Variants in PTPRT observed in about 807,000 individuals in gnomAD.
PTPRT encodes the protein protein tyrosine phosphatase receptor type T, also known as receptor-type tyrosine-protein phosphatase T.
PTPRT carries 56 observed loss-of-function variants against 176.8 expected under a neutral mutation model. The observed-to-expected ratio is 0.32, with a 90% confidence interval of 0.26 to 0.40. PTPRT has a LOEUF of 0.40. Ranked by LOEUF, PTPRT falls within the 10% of genes least tolerant of loss-of-function variation. The pLI is 1.00. For missense variants in PTPRT, 1,540 were observed against 1,908.2 expected, an observed-to-expected ratio of 0.81 and a Z score of 3.60; for synonymous variants, 783 against 739.0, an observed-to-expected ratio of 1.06 and a Z score of -0.96.
rs188190573 is a variant in PTPRT at position 42,435,475 on chromosome 20, G to A, written c.1560+12745C>T. ...AGCTTTCTGGCAATAGGAACTCTGC[G>A]TGCAATAAGCCTGAGACAGGGGCCC... is the stretch of plus-strand genomic sequence containing the variant. On this transcript the variant is annotated intron_variant, in intron 9 of 30. Transcript: ENST00000373187. 4.7e-4 allele frequency among the ~76,000 whole-genome samples: 72 copies of A among 152,228 alleles called. No individual in the cohort carries two copies. The Middle Eastern group carries it at 0.014, about 29-fold the overall frequency.
At chr20:42,104,279 G>A (rs1986220712) in intron 25 of PTPRT, among the ~76,000 whole-genome samples, 1 of 152,024 alleles carries the variant, frequency 6.6e-6, no homozygotes, top group African/African-American at 2.4e-5. Context: ...GACCATCCTG[G>A]GCAACATAGT....
chr20:42,680,351 A>G (rs1384846683), intron 6 of PTPRT, among the ~76,000 whole-genome samples: 1 of 152,264 alleles, frequency 6.6e-6, no homozygotes, highest in Non-Finnish European at 1.5e-5. Flanking sequence ...TTTTCTTTAC[A>G]AAGCCATGGA....
chr20:43,135,448 G>C (rs1413303238), intron 1 of PTPRT, among the ~76,000 whole-genome samples: 1 of 152,198 alleles, frequency 6.6e-6, no homozygotes, highest in Non-Finnish European at 1.5e-5. Context: ...GACACAGAGA[G>C]AAACTCAGAA....
At chr20:42,697,511 T>C (rs1340298810) in intron 6 of PTPRT, among the ~76,000 whole-genome samples, 1 of 152,202 alleles carries the variant, frequency 6.6e-6, no homozygotes, top group Non-Finnish European at 1.5e-5. Context: ...CAGTAAGATA[T>C]GGATGGATGT....
chr20:42,236,012 G>GA (rs1290023751), intron 15 of PTPRT, among the ~76,000 whole-genome samples: 1 of 151,964 alleles, frequency 6.6e-6, no homozygotes. Flanking sequence ...AAAATAAGAG[G>GA]AAAAAAATCC....
intron 6 of PTPRT, among the ~76,000 whole-genome samples, chr20:42,742,019 A>G (rs1006533795): frequency 1.3e-5 from 2 of 152,210 alleles, no homozygotes; most frequent in Non-Finnish European, 1.5e-5. Flanking sequence ...AACATTGAAG[A>G]ATAAAAGGTG....
intron 9 of PTPRT, among the ~76,000 whole-genome samples, chr20:42,359,442 C>T (rs371059840): frequency 6.6e-6 from 1 of 152,174 alleles, no homozygotes; most frequent in South Asian, 2.1e-4. Context: ...AGACCTGAGC[C>T]TCCTAAGGCT....
intron 16 of PTPRT, among the ~76,000 whole-genome samples, chr20:42,162,422 G>A (rs899667868): frequency 6.6e-6 from 1 of 152,168 alleles, no homozygotes; most frequent in African/African-American, 2.4e-5. Context: ...GAAAACTGAT[G>A]CCTGGTCAGA....
intron 7 of PTPRT, among the ~76,000 whole-genome samples, chr20:42,556,430 T>G (rs545656284): frequency 2.0e-4 from 31 of 152,176 alleles, no homozygotes; most frequent in Non-Finnish European, 3.7e-4. Flanking sequence ...GCGACTTCCT[T>G]AAAATCATGA....
chr20:42,421,247 C>T (rs552608534), intron 9 of PTPRT, among the ~76,000 whole-genome samples: 37 of 144,250 alleles, frequency 2.6e-4, no homozygotes, highest in African/African-American at 8.6e-4. Flanking sequence ...CCCTAACATA[C>T]ACACACACGC....
chr20:42,085,893 A>AG, intron 27 of PTPRT, 40 bp from the exon 28 acceptor site: 1 of 1,564,726 alleles, frequency 6.4e-7, no homozygotes, highest in Non-Finnish European at 8.8e-7. Context: ...GCTCAAAGGC[A>AG]GGGGGCGGGT....
intron 2 of PTPRT, among the ~76,000 whole-genome samples, chr20:42,840,796 G>A (rs1430898301): frequency 6.6e-6 from 1 of 152,120 alleles, no homozygotes; most frequent in Non-Finnish European, 1.5e-5. Flanking sequence ...GCTTTGACCT[G>A]TGGACTCTGC....
At chr20:42,861,024 C>T (rs2078651606) in intron 2 of PTPRT, among the ~76,000 whole-genome samples, 1 of 152,182 alleles carries the variant, frequency 6.6e-6, no homozygotes, top group Non-Finnish European at 1.5e-5. Flanking sequence ...TTTCACCCAC[C>T]AACCTAGACA....
At chr20:43,130,977 A>C (rs1327210093) in intron 1 of PTPRT, among the ~76,000 whole-genome samples, 1 of 152,228 alleles carries the variant, frequency 6.6e-6, no homozygotes, top group East Asian at 1.9e-4. Context: ...ATACAAATGA[A>C]GCCAGGATCT....
At chr20:42,470,773 C>G (rs902089917) in intron 8 of PTPRT, among the ~76,000 whole-genome samples, 1 of 151,782 alleles carries the variant, frequency 6.6e-6, no homozygotes, top group Non-Finnish European at 1.5e-5. Flanking sequence ...ACATGGAGGA[C>G]AGGTCATTCC....
intron 17 of PTPRT, among the ~76,000 whole-genome samples, chr20:42,145,271 G>A (rs1222666888): frequency 9.2e-5 from 14 of 152,338 alleles, no homozygotes; most frequent in East Asian, 1.9e-4. Flanking sequence ...GGATGCTGAC[G>A]TGAGTGGATC....
chr20:42,374,894 G>A (rs1338345741), intron 9 of PTPRT, among the ~76,000 whole-genome samples: 1 of 152,124 alleles, frequency 6.6e-6, no homozygotes, highest in East Asian at 1.9e-4. Flanking sequence ...GACACAGAGA[G>A]CAGAATCACA....
At chr20:42,848,175 T>C (rs1430010125) in intron 2 of PTPRT, among the ~76,000 whole-genome samples, 3 of 152,238 alleles carry the variant, frequency 2.0e-5, no homozygotes, top group Non-Finnish European at 4.4e-5. Flanking sequence ...TTCCTTTTTA[T>C]GGCTGGGTAA....
At chr20:42,980,626 A>C (rs1357710082) in intron 1 of PTPRT, among the ~76,000 whole-genome samples, 1 of 152,206 alleles carries the variant, frequency 6.6e-6, no homozygotes. Context: ...TCTTGAAGGA[A>C]GGAGCACGTG....
Sources: gnomAD v4.1 joint callset for allele counts (sites outside exome capture counted in the v4.1 genomes callset) on GRCh38, gnomAD v4.1.1 for gene constraint, MANE v1.5 for transcripts, NCBI Gene and HGNC (gene_info 2026-07-23, HGNC 2026-07-21) for gene names.